NHS: variants seen among roughly 807,000 people sequenced by gnomAD.
The protein encoded by NHS is actin remodeling regulator NHS.
Under a neutral mutation model 72.5 loss-of-function variants are expected in NHS, and 5 were observed. The observed-to-expected ratio is 0.07, with a 90% CI of 0.04 to 0.14. The LOEUF (loss-of-function observed/expected upper bound fraction) is 0.14. NHS is among the 10% of genes least tolerant of loss of function. The pLI is 1.00. For missense variants in NHS, 1,072 were observed against 1,355.7 expected, an observed-to-expected ratio of 0.79 and a Z score of 3.29; for synonymous variants, 464 against 547.7, an observed-to-expected ratio of 0.85 and a Z score of 2.13.
chrX:17,564,158 G>C (rs1395914286), intron 1 of NHS, among the ~76,000 whole-genome samples: 1 of 112,197 alleles, frequency 8.9e-6, no homozygotes, highest in Non-Finnish European at 1.9e-5. Flanking sequence ...CAATTGTGCT[G>C]TTTTCTGCTA....
chrX:17,443,254 C>T (rs781139626), intron 1 of NHS, among the ~76,000 whole-genome samples: 41 of 112,379 alleles, frequency 3.6e-4, no homozygotes, highest in Non-Finnish European at 6.0e-4. Flanking sequence ...GAAATATTTT[C>T]GTAAATTTCC....
intron 1 of NHS, among the ~76,000 whole-genome samples, chrX:17,519,116 C>A (rs1425351867): frequency 8.9e-6 from 1 of 111,931 alleles, no homozygotes; most frequent in Non-Finnish European, 1.9e-5. Flanking sequence ...GCTGCAGCTT[C>A]CTGTGCTGCA....
chrX:17,393,978 G>A (rs1171042197), intron 1 of NHS, among the ~76,000 whole-genome samples: 1 of 111,415 alleles, frequency 9.0e-6, no homozygotes, highest in African/African-American at 3.3e-5. Flanking sequence ...TTGAAATACT[G>A]GACTCAATGA....
At chrX:17,602,939 C>T (rs190102615) in intron 1 of NHS, among the ~76,000 whole-genome samples, 6 of 105,851 alleles carry the variant, frequency 5.7e-5, no homozygotes, top group African/African-American at 2.1e-4. Context: ...CTCCTGGGAT[C>T]GGGTGATCCT....
intron 1 of NHS, among the ~76,000 whole-genome samples, chrX:17,506,678 A>G (rs2065060726): frequency 9.0e-6 from 1 of 111,384 alleles, no homozygotes; most frequent in African/African-American, 3.3e-5. Flanking sequence ...GAGAGAGGGT[A>G]ACTACAGAAA....
chrX:17,485,322 A>G (rs887472631), intron 1 of NHS, among the ~76,000 whole-genome samples: 2 of 112,761 alleles, frequency 1.8e-5, no homozygotes, highest in African/African-American at 6.4e-5. Flanking sequence ...ATAAGAAAAA[A>G]ATATGCTTTC....
intron 1 of NHS, among the ~76,000 whole-genome samples, chrX:17,400,613 G>A (rs2064498779): frequency 9.1e-6 from 1 of 109,889 alleles, no homozygotes; most frequent in South Asian, 3.9e-4. Context: ...GAGAGAGAAT[G>A]AGAAGAAAAC....
chrX:17,419,343 G>T (rs2064612293), intron 1 of NHS, among the ~76,000 whole-genome samples: 1 of 112,331 alleles, frequency 8.9e-6, no homozygotes, highest in African/African-American at 3.2e-5. Flanking sequence ...TGGACCTTCT[G>T]AATCTGGACA....
intron 1 of NHS, among the ~76,000 whole-genome samples, chrX:17,400,721 T>C (rs1369424664): frequency 8.9e-6 from 1 of 112,228 alleles, no homozygotes; most frequent in Non-Finnish European, 1.9e-5. Context: ...TCAAAGTTCA[T>C]TGAAGGAACA....
At chrX:17,575,033 C>T (rs888533617) in intron 1 of NHS, among the ~76,000 whole-genome samples, 4 of 111,943 alleles carry the variant, frequency 3.6e-5, no homozygotes, top group Non-Finnish European at 7.5e-5. Context: ...GTAACATCCG[C>T]TGCCTCCTCT....
At chrX:17,664,571 A>G (rs1257173800) in intron 1 of NHS, among the ~76,000 whole-genome samples, 2 of 112,284 alleles carry the variant, frequency 1.8e-5, no homozygotes, top group African/African-American at 6.5e-5. Flanking sequence ...TATAATGTCT[A>G]CTTTCTTGCC....
chrX:17,477,484 G>A (rs2064925887), intron 1 of NHS, among the ~76,000 whole-genome samples: 1 of 112,001 alleles, frequency 8.9e-6, no homozygotes, highest in African/African-American at 3.2e-5. Context: ...AGGATCTTTT[G>A]GGTGATTGCA....
chrX:17,451,347 C>T (rs1363563817), intron 1 of NHS, among the ~76,000 whole-genome samples: 1 of 111,585 alleles, frequency 9.0e-6, no homozygotes, highest in Non-Finnish European at 1.9e-5. Context: ...GAGTAACATA[C>T]CACATATTAA....
intron 1 of NHS, among the ~76,000 whole-genome samples, chrX:17,394,932 G>A (rs2064465682): frequency 9.0e-6 from 1 of 111,543 alleles, no homozygotes; most frequent in Non-Finnish European, 1.9e-5. Context: ...TTCTGTGATG[G>A]AAATATTATA....
rs1050917653 is a variant in NHS at position 17,726,410 on chromosome X, A to G, written c.2304A>G (p.Ser768=). The change falls in exon 7 of 9, where the codon TCA becomes TCG. Residue 768 remains serine (S), a synonymous_variant. Coordinates refer to ENST00000676302, the MANE Select transcript of NHS (RefSeq NM_001291867.2). ...TYDSFLEKSP[S]DKADTSSHFS... is the part of the protein sequence containing the mutation. Reference sequence around the variant, plus strand: ...ACAGCTTTCTGGAAAAGTCTCCATCAGACAAAGCGGACACTAGCTCTCACT... The same window carrying G: ...ACAGCTTTCTGGAAAAGTCTCCATCGGACAAAGCGGACACTAGCTCTCACT... 4.1e-6 allele frequency: 5 copies of G among 1,210,761 alleles called. No individual in the cohort carries two copies. Among genetic ancestry groups the G allele is most frequent in the Non-Finnish European group, 4.5e-6 (4 of 895,329 alleles).
intron 1 of NHS, among the ~76,000 whole-genome samples, chrX:17,432,181 ATAC>A (rs1399314045): frequency 8.9e-6 from 1 of 112,847 alleles, no homozygotes; most frequent in Non-Finnish European, 1.9e-5. Flanking sequence ...AGAAATAAGA[ATAC>A]TACCTACCTC....
intron 1 of NHS, among the ~76,000 whole-genome samples, chrX:17,412,522 A>T (rs1166042225): frequency 9.0e-6 from 1 of 110,667 alleles, no homozygotes; most frequent in Non-Finnish European, 1.9e-5. Flanking sequence ...ACCTGAGCCC[A>T]GGAAGTCAAG....
At chrX:17,722,960 C>T (rs2066414591) in intron 5 of NHS, among the ~76,000 whole-genome samples, 1 of 111,532 alleles carries the variant, frequency 9.0e-6, no homozygotes, top group Admixed American at 9.6e-5. Context: ...AAACTTAGAT[C>T]AGATGTTGAT....
chrX:17,536,136 A>T (rs914529784), intron 1 of NHS, among the ~76,000 whole-genome samples: 41 of 111,742 alleles, frequency 3.7e-4, no homozygotes, highest in Middle Eastern at 4.7e-3. Flanking sequence ...CAGGCGGATC[A>T]TGAGGTCAGG....
Sources: gnomAD v4.1 joint callset for allele counts (sites outside exome capture counted in the v4.1 genomes callset) on GRCh38, gnomAD v4.1.1 for gene constraint, MANE v1.5 for transcripts, NCBI Gene and HGNC (gene_info 2026-07-23, HGNC 2026-07-21) for gene names.